The following SPATA22 variants were observed in gnomAD, a reference collection of about 807,000 sequenced individuals.
SPATA22 encodes the protein spermatogenesis associated 22, also known as spermatogenesis-associated protein 22.
SPATA22 carries 29 observed loss-of-function variants against 47.8 expected under a neutral mutation model. That is an observed-to-expected ratio of 0.61 (90% CI 0.45 to 0.83). SPATA22 has a LOEUF of 0.83. Among genes scored for constraint, SPATA22 ranks in the 40% least tolerant of loss-of-function variants. The pLI is 0.00. For missense variants in SPATA22, 410 were observed against 421.7 expected, an observed-to-expected ratio of 0.97 and a Z score of 0.24; for synonymous variants, 133 against 140.9, an observed-to-expected ratio of 0.94 and a Z score of 0.40.
At chr17:3,471,487 T>C (rs941774255) in intron 1 of SPATA22, 195 bp downstream of exon 1, 6 of 985,244 alleles carry the variant, frequency 6.1e-6, no homozygotes, top group Non-Finnish European at 6.0e-6. Context: ...GTTGGTGGCA[T>C]TGGTGTGCAA....
Position 3,490,656 on chromosome 17 carries a change from G to C in SPATA22, c.-73-21258C>G, listed in dbSNP as rs2073809354. On this transcript the variant is annotated intron_variant, in intron 1 of 8. Coordinates refer to the SPATA22 transcript ENST00000541913. This position sits in a 1 kb window ranked among gnomAD's most constrained non-coding sequence, Gnocchi z 4.6. ...TTTGTCTGAGGGCAGGTTCTATACT[G>C]TCTAATGGAACTGGTTTTGAGAAGA... 6.6e-6 allele frequency among the ~76,000 whole-genome samples: 1 copy of C among 152,152 alleles called. No individual in the cohort carries two copies. The highest frequency in any genetic ancestry group is 1.5e-5 in the Non-Finnish European group (1 of 68,024).
intron 1 of SPATA22, chr17:3,501,952 C>CA (rs35886989): frequency 9.5e-5 from 14 of 147,392 alleles, no homozygotes; most frequent in Middle Eastern, 3.5e-3. Context: ...GCCTCCATCT[C>CA]AAAAAAAAAA....
At chr17:3,458,179 G>C (rs35771277) in intron 5 of SPATA22, among the ~76,000 whole-genome samples, 35,619 of 152,038 alleles carry the variant, frequency 0.23, 4,443 homozygotes, top group East Asian at 0.42. Flanking sequence ...AGACATTTTT[G>C]TAAAGAAGAC....
intron 5 of SPATA22, among the ~76,000 whole-genome samples, chr17:3,459,996 G>T (rs191897902): frequency 7.9e-5 from 12 of 152,130 alleles, no homozygotes; most frequent in Non-Finnish European, 1.3e-4. Flanking sequence ...TAACAAGAAT[G>T]GTTGAAAGAC....
chr17:3,498,667 C>T (rs1052352993), intron 1 of SPATA22, among the ~76,000 whole-genome samples: 8 of 152,268 alleles, frequency 5.3e-5, no homozygotes, highest in Admixed American at 2.0e-4. Context: ...GTTAATTACA[C>T]GTTTCAATTA....
chr17:3,456,022 G>T (rs1322061199), intron 5 of SPATA22, among the ~76,000 whole-genome samples: 2 of 152,140 alleles, frequency 1.3e-5, no homozygotes, highest in African/African-American at 4.8e-5. Context: ...TCCCTTGTAA[G>T]TTGGATTCCT....
At chr17:3,478,102 G>A (rs533873197) in intron 1 of SPATA22, among the ~76,000 whole-genome samples, 51 of 152,166 alleles carry the variant, frequency 3.4e-4, no homozygotes, top group African/African-American at 1.1e-3. Context: ...GGAGAATGGC[G>A]TGAACCTGGG....
Position 3,467,486 on chromosome 17 carries a change from T to C in SPATA22, c.112A>G (p.Lys38Glu). 6.2e-7 allele frequency: 1 copy of C among 1,610,948 alleles called. No homozygotes were observed. Among genetic ancestry groups the C allele is most frequent in the Non-Finnish European group, 8.5e-7 (1 of 1,178,390 alleles). The change falls in exon 3 of 9, where the codon AAA becomes GAA. Residue 38 changes from lysine (K) to glutamate (E), a missense_variant. Lys to Glu is a moderately conservative substitution (Grantham distance 56). Transcript: ENST00000572969. ...GGGGTACTGATACCTGAATCATCTT[T>C]AAGTGGATTAGAAGTTAATGGCTGT... Reference protein sequence around the residue: ...NRQPLTSNPLKDDSGISTPSD... With the variant: ...NRQPLTSNPLEDDSGISTPSD...
At chr17:3,477,646 G>T (rs1403374333) in intron 1 of SPATA22, among the ~76,000 whole-genome samples, 1 of 151,974 alleles carries the variant, frequency 6.6e-6, no homozygotes, top group Non-Finnish European at 1.5e-5. Flanking sequence ...TAGAGACGGG[G>T]TTTCTCCATG....
chr17:3,513,833 C>A (rs146188912), exon 1 of SPATA22: 2 of 1,199,128 alleles, frequency 1.7e-6, no homozygotes, highest in East Asian at 2.4e-5. Context: ...ACTCCACCAT[C>A]CCTCAAAGCC....
chr17:3,472,143 G>A (rs1239517783), upstream of SPATA22: 1 of 152,568 alleles, frequency 6.6e-6, no homozygotes, highest in Non-Finnish European at 1.5e-5. Context: ...TTAGATGCTG[G>A]TGGCCACCCA....
chr17:3,470,093 CAAAAAA>C (rs57432043), intron 1 of SPATA22, among the ~76,000 whole-genome samples: 38 of 54,300 alleles, frequency 7.0e-4, no homozygotes, highest in African/African-American at 1.3e-3. Flanking sequence ...GACTCCATCT[CAAAAAA>C]AAAAAAAAAA....
chr17:3,479,630 T>A (rs1489107138), intron 1 of SPATA22, among the ~76,000 whole-genome samples: 2 of 151,928 alleles, frequency 1.3e-5, no homozygotes, highest in African/African-American at 4.8e-5. Flanking sequence ...CCTTTCCACC[T>A]TCCCCCTGCA....
intron 1 of SPATA22, chr17:3,500,748 C>T (rs1460128942): frequency 6.6e-6 from 1 of 152,134 alleles, no homozygotes; most frequent in Non-Finnish European, 1.5e-5. Flanking sequence ...TCATGATCCG[C>T]CTGCCTCGGC....
At chr17:3,510,320 T>C (rs1013824771) in intron 1 of SPATA22, among the ~76,000 whole-genome samples, 1 of 152,178 alleles carries the variant, frequency 6.6e-6, no homozygotes, top group Non-Finnish European at 1.5e-5. Context: ...CGCTTTGAGA[T>C]GCAAATACGT....
At chr17:3,443,397 A>AT in intron 7 of SPATA22, 126 bp from the exon 8 acceptor site, 2 of 572,302 alleles carry the variant, frequency 3.5e-6, no homozygotes, top group Non-Finnish European at 5.8e-6. Flanking sequence ...ATATAGCAAT[A>AT]AAGAAGACAT....
intron 1 of SPATA22, chr17:3,503,018 T>A (rs555586728): frequency 1.3e-5 from 2 of 152,344 alleles, no homozygotes; most frequent in South Asian, 4.1e-4. Context: ...CTCCCATGAT[T>A]CTTCTCCTCA....
chr17:3,469,473 T>A (rs1597413586), intron 1 of SPATA22, 75 bp from the exon 2 acceptor site: 1 of 604,498 alleles, frequency 1.7e-6, no homozygotes, highest in Non-Finnish European at 2.8e-6. Context: ...ATTACTGAAA[T>A]TATGGTTGTA....
chr17:3,487,739 C>T (rs2073751898), intron 1 of SPATA22, among the ~76,000 whole-genome samples: 1 of 152,130 alleles, frequency 6.6e-6, no homozygotes, highest in Non-Finnish European at 1.5e-5. Context: ...TTAAACTATT[C>T]AACATTTACT....
Sources: allele counts gnomAD v4.1 joint callset (sites outside exome capture counted in the v4.1 genomes callset), GRCh38; gene constraint gnomAD v4.1.1; non-coding constraint Gnocchi (gnomAD v3.1); transcripts MANE v1.5; gene names NCBI Gene and HGNC (gene_info 2026-07-23, HGNC 2026-07-21).